Variants in UBA6 observed in about 807,000 individuals in gnomAD.
UBA6 encodes ubiquitin like modifier activating enzyme 6, also known as ubiquitin-like modifier-activating enzyme 6.
In UBA6, 87 loss-of-function variants were observed where a neutral mutation model predicts 148.3. The observed-to-expected ratio is 0.59, with a 90% confidence interval of 0.49 to 0.70. UBA6 has a LOEUF of 0.70. Among genes scored for constraint, UBA6 ranks in the 30% least tolerant of loss-of-function variants. The pLI, the probability that UBA6 is intolerant of heterozygous loss-of-function variation, is 0.00. For synonymous variants in UBA6, 376 were observed against 401.0 expected, an observed-to-expected ratio of 0.94 and a Z score of 0.75; for missense variants, 1,186 against 1,241.2, an observed-to-expected ratio of 0.96 and a Z score of 0.67.
chr4:67,688,898 T>C (rs1186221409), intron 2 of UBA6, among the ~76,000 whole-genome samples: 1 of 152,094 alleles, frequency 6.6e-6, no homozygotes, highest in Admixed American at 6.6e-5. Context: ...ATCTAGTAAA[T>C]ACTAACTAAA....
intron 14 of UBA6, among the ~76,000 whole-genome samples, chr4:67,648,239 C>T (rs762041440): frequency 9.9e-5 from 15 of 151,262 alleles, no homozygotes; most frequent in Non-Finnish European, 1.8e-4. Flanking sequence ...GAGGCCGAGG[C>T]GGGTGGATCA....
At chr4:67,681,677 T>C (rs925037738) in intron 3 of UBA6, 86 bp from the exon 4 acceptor site, 27 of 884,294 alleles carry the variant, frequency 3.1e-5, no homozygotes, top group Non-Finnish European at 4.0e-5. Context: ...CATATCTGAC[T>C]GCATACTTTT....
Position 67,663,937 on chromosome 4 carries a change from T to C in UBA6, c.908A>G (p.Glu303Gly), listed in dbSNP as rs1252789996. The C allele has an allele frequency of 6.2e-7, 1 of 1,612,310 alleles. No individual in the cohort carries two copies. ...GCACTTTGGATGTTTTAACTGCCTC[T>C]CCAGTGATTCCTGATAGGAAGGAAA... ...TPKTVFFESL[E>G]RQLKHPKCLI... Residue 303 changes from glutamate (E) to glycine (G), a missense_variant, in exon 11 of 33, where the codon GAG becomes GGG. Transcript: ENST00000322244.
At chr4:67,665,360 T>A in intron 9 of UBA6, 68 bp from the exon 10 acceptor site, 26 of 913,360 alleles carry the variant, frequency 2.8e-5, no homozygotes, top group Non-Finnish European at 4.4e-5. Context: ...ACTCTTATTG[T>A]CATAAGAGGT....
intron 13 of UBA6, among the ~76,000 whole-genome samples, chr4:67,658,958 C>A (rs967420298): frequency 6.6e-6 from 1 of 152,134 alleles, no homozygotes; most frequent in African/African-American, 2.4e-5. Flanking sequence ...GAATTAACTG[C>A]GTACATCTGA....
At chr4:67,686,415 C>T (rs527556710) in intron 2 of UBA6, among the ~76,000 whole-genome samples, 12 of 152,244 alleles carry the variant, frequency 7.9e-5, no homozygotes, top group African/African-American at 2.9e-4. Context: ...TCATCATGCA[C>T]GCATATATTT....
At chr4:67,629,915 T>C (rs889428465) in intron 26 of UBA6, among the ~76,000 whole-genome samples, 8 of 152,104 alleles carry the variant, frequency 5.3e-5, no homozygotes, top group Non-Finnish European at 1.2e-4. Flanking sequence ...TTAGCTAGAA[T>C]ATGCATTTGT....
At chr4:67,668,771 A>C (rs1577825804) in intron 8 of UBA6, 97 bp from the exon 9 acceptor site, 1 of 1,257,166 alleles carries the variant, frequency 8.0e-7, no homozygotes, top group South Asian at 1.4e-5. Context: ...TTACCATAAA[A>C]TTCTCAAAAC....
At position 67,615,661 on chromosome 4, in the gene UBA6, TAACAG is replaced by T. The variant is rs926600059; in HGVS notation, c.*3331_*3335del. On this transcript the variant is annotated 3_prime_UTR_variant, in exon 33 of 33. Transcript: ENST00000322244. Reference sequence around the variant, plus strand: ...CTACAGTAAATAAATTGTGGCATATTAACAGAAAAGTAAATTACACAGACATAATG... The same window carrying T: ...CTACAGTAAATAAATTGTGGCATATTAAAAGTAAATTACACAGACATAATG... 1.0e-4 allele frequency: 16 copies of T among 152,736 alleles called. 1 individual carries two copies. The highest frequency in any genetic ancestry group is 3.8e-4 in the African/African-American group (16 of 41,628). 9.5% of individuals were successfully genotyped at this position (152,736 alleles called of 1,614,324 possible).
At chr4:67,670,192 T>C (rs1035538341) in intron 8 of UBA6, among the ~76,000 whole-genome samples, 4 of 151,858 alleles carry the variant, frequency 2.6e-5, no homozygotes, top group African/African-American at 9.7e-5. Context: ...GATCCACCCC[T>C]GTCAGCCTCC....
chr4:67,624,623 TATA>T (rs1728824268), intron 29 of UBA6, among the ~76,000 whole-genome samples: 1 of 152,046 alleles, frequency 6.6e-6, no homozygotes, highest in South Asian at 2.1e-4. Flanking sequence ...TGTAATATGG[TATA>T]ATAACTAGGG....
Position 67,617,263 on chromosome 4 carries a change from T to A in UBA6, c.*1734A>T, listed in dbSNP as rs1280066310. The A allele has an allele frequency of 2.6e-5, 4 of 152,058 alleles. No individual in the cohort carries two copies. The highest frequency in any genetic ancestry group is 4.4e-5 in the Non-Finnish European group (3 of 67,956). The allele number at this position is 152,058 out of a possible 1,614,324, so 9.4% of individuals were successfully genotyped here. The stretch of plus-strand genomic sequence containing the variant: ...TACTTTCAAAGAACACAAAACAAAG[T>A]GAACGTGGAAAAAAGCCTTCTTTGC... On this transcript the variant is annotated 3_prime_UTR_variant, in exon 33 of 33. Transcript: ENST00000322244.
chr4:67,681,945 T>C (rs1470549901), intron 3 of UBA6, among the ~76,000 whole-genome samples, 174 bp downstream of exon 3: 1 of 152,226 alleles, frequency 6.6e-6, no homozygotes, highest in Non-Finnish European at 1.5e-5. Context: ...TTATTGGTTC[T>C]TTGTGGAAGA....
intron 30 of UBA6, among the ~76,000 whole-genome samples, chr4:67,623,449 G>A (rs1442055102): frequency 2.0e-5 from 3 of 152,074 alleles, no homozygotes; most frequent in Non-Finnish European, 4.4e-5. Flanking sequence ...GATCCTTCCA[G>A]TGTATTATAA....
At chr4:67,657,826 C>CAAAAAAAAAAAAA (rs57984969) in intron 13 of UBA6, among the ~76,000 whole-genome samples, 2 of 115,152 alleles carry the variant, frequency 1.7e-5, no homozygotes, top group Non-Finnish European at 3.5e-5. Context: ...AACAAATTTA[C>CAAAAAAAAAAAAA]AAAAAAAAAA....
chr4:67,673,835 A>G, intron 6 of UBA6, 58 bp from the exon 7 acceptor site: 1 of 1,232,582 alleles, frequency 8.1e-7, no homozygotes, highest in Non-Finnish European at 1.2e-6. Context: ...TTTGTAGTAT[A>G]CAATAATCAG....
intron 2 of UBA6, among the ~76,000 whole-genome samples, chr4:67,694,215 C>CAAAAAAAAAAA (rs769649769): frequency 2.9e-4 from 12 of 41,872 alleles, no homozygotes; most frequent in Non-Finnish European, 3.6e-4. Context: ...GACTCCATCT[C>CAAAAAAAAAAA]AAAAAAAAAA....
chr4:67,630,554 A>G lies in UBA6; in HGVS notation c.2259-19T>C, dbSNP rs1201944576. The stretch of plus-strand genomic sequence containing the variant: ...GAGGTGCCTTTTGAAATTAAAAAAT[A>G]AAGCAAAATTTGAATGTACAGTTTT... On this transcript the variant is annotated intron_variant, in intron 25 of 32. Coordinates refer to ENST00000322244, the MANE Select transcript of UBA6 (RefSeq NM_018227.6). The G allele has an allele frequency of 3.9e-6, 6 of 1,534,624 alleles. No individual in the cohort carries two copies. The highest frequency in any genetic ancestry group is 4.4e-6 in the Non-Finnish European group (5 of 1,133,040).
chr4:67,635,585 A>G (rs1729118576), intron 19 of UBA6, 27 bp from the exon 20 acceptor site: 2 of 1,437,704 alleles, frequency 1.4e-6, no homozygotes, highest in Non-Finnish European at 2.0e-6. Flanking sequence ...CAAGTAAAAA[A>G]CAAAAAAGTG....
Sources: allele counts gnomAD v4.1 joint callset (sites outside exome capture counted in the v4.1 genomes callset), GRCh38; gene constraint gnomAD v4.1.1; transcripts MANE v1.5; gene names NCBI Gene and HGNC (gene_info 2026-07-23, HGNC 2026-07-21).